The following FOXN3 variants were observed in gnomAD, a reference collection of about 807,000 sequenced individuals.
The protein encoded by FOXN3 is forkhead box protein N3.
Under a neutral mutation model 38.4 loss-of-function variants are expected in FOXN3, and 7 were observed. The observed-to-expected ratio is 0.18, with a 90% CI of 0.10 to 0.34. FOXN3 has a LOEUF of 0.34. Ranked by LOEUF, FOXN3 falls within the 10% of genes least tolerant of loss-of-function variation. The pLI, the probability that FOXN3 is intolerant of heterozygous loss-of-function variation, is 1.00. For missense variants in FOXN3, 456 were observed against 613.4 expected (o/e 0.74, Z 2.71); for synonymous variants, 230 against 242.2 (o/e 0.95, Z 0.47).
chr14:89,526,176 G>A (rs1331057108), intron 1 of FOXN3, among the ~76,000 whole-genome samples: 1 of 152,124 alleles, frequency 6.6e-6, no homozygotes, highest in Non-Finnish European at 1.5e-5. Flanking sequence ...ATTATATCAG[G>A]ACTGAATGCT....
intron 1 of FOXN3, among the ~76,000 whole-genome samples, chr14:89,594,597 G>T (rs1273085891): frequency 6.6e-6 from 1 of 152,146 alleles, no homozygotes; most frequent in Non-Finnish European, 1.5e-5. Flanking sequence ...GGAATTCTTT[G>T]CATATCCTTC....
chr14:89,170,531 C>T (rs983328820), intron 5 of FOXN3, among the ~76,000 whole-genome samples: 6 of 152,202 alleles, frequency 3.9e-5, no homozygotes, highest in Non-Finnish European at 5.9e-5. Flanking sequence ...CCACCTCAGC[C>T]TCCCAAAGTG....
chr14:89,223,178 T>G (rs952751220), intron 4 of FOXN3: 2 of 152,160 alleles, frequency 1.3e-5, no homozygotes, highest in Non-Finnish European at 2.9e-5. Context: ...ACAAGTTGAG[T>G]TGAGCCACTG....
chr14:89,199,900 T>A (rs560214589), intron 4 of FOXN3, among the ~76,000 whole-genome samples: 105 of 151,880 alleles, frequency 6.9e-4, no homozygotes, highest in Middle Eastern at 3.4e-3. Context: ...CGAGACTCCA[T>A]CTCAGACAAC....
chr14:89,166,413 T>G (rs550105327), intron 5 of FOXN3, among the ~76,000 whole-genome samples: 14 of 152,104 alleles, frequency 9.2e-5, no homozygotes, highest in African/African-American at 3.1e-4. Context: ...AGAATCAGAC[T>G]GCATGCCAAC....
At chr14:89,473,841 A>G (rs1893157522) in intron 1 of FOXN3, among the ~76,000 whole-genome samples, 1 of 152,072 alleles carries the variant, frequency 6.6e-6, no homozygotes. Flanking sequence ...TCATTATCTC[A>G]TTTCTCCAAA....
Position 89,162,492 on chromosome 14 carries a change from C to G in FOXN3, c.1329G>C (p.Gly443=). The G allele has an allele frequency of 6.2e-7, 1 of 1,613,202 alleles. No homozygotes were observed. Among genetic ancestry groups the G allele is most frequent in the Non-Finnish European group, 8.5e-7 (1 of 1,179,812 alleles). The change falls in exon 6 of 6, where the codon GGG becomes GGC. Residue 443 remains glycine, a synonymous_variant. Coordinates refer to ENST00000557258, the MANE Select transcript of FOXN3 (RefSeq NM_005197.4). This position sits in a 1 kb window ranked among gnomAD's most constrained non-coding sequence, Gnocchi z 7.2. The stretch of plus-strand genomic sequence containing the variant: ...TGATGTTATTCAAACAGGACCGGAT[C>G]CCTGCTAAGTGCAGGAGGGACCCTG... ...EAAGSLLHLA[G]IRSCLNNITN...
chr14:89,430,731 A>G (rs368582670), intron 1 of FOXN3, among the ~76,000 whole-genome samples: 109 of 152,332 alleles, frequency 7.2e-4, no homozygotes, highest in African/African-American at 2.6e-3. Flanking sequence ...ATCTCTGAAC[A>G]TTATGTATTT....
chr14:89,475,790 C>T (rs1173426157), intron 1 of FOXN3, among the ~76,000 whole-genome samples: 3 of 152,178 alleles, frequency 2.0e-5, no homozygotes, highest in Non-Finnish European at 2.9e-5. Flanking sequence ...TATAGGGCCC[C>T]AGTGGGATAA....
At chr14:89,481,189 C>T (rs1427192554) in intron 1 of FOXN3, among the ~76,000 whole-genome samples, 1 of 151,758 alleles carries the variant, frequency 6.6e-6, no homozygotes, top group Non-Finnish European at 1.5e-5. Context: ...ATTCTCTGCA[C>T]AGCACATGGC....
intron 3 of FOXN3, among the ~76,000 whole-genome samples, chr14:89,339,880 G>A (rs1228712322): frequency 6.6e-6 from 1 of 152,192 alleles, no homozygotes; most frequent in African/African-American, 2.4e-5. Context: ...CACCTCCCAC[G>A]CGGGACTCTG....
chr14:89,273,260 C>T (rs988209887), intron 4 of FOXN3, among the ~76,000 whole-genome samples: 4 of 152,184 alleles, frequency 2.6e-5, no homozygotes, highest in African/African-American at 9.7e-5. Flanking sequence ...TTTCCACCTC[C>T]TACTGAACAG....
chr14:89,294,603 G>A (rs533794293), intron 3 of FOXN3, among the ~76,000 whole-genome samples: 75 of 152,198 alleles, frequency 4.9e-4, no homozygotes, highest in South Asian at 2.3e-3. Context: ...AAGACCTTGC[G>A]GATAAAACAG....
chr14:89,448,850 G>A (rs1892561511), intron 1 of FOXN3, among the ~76,000 whole-genome samples: 1 of 151,920 alleles, frequency 6.6e-6, no homozygotes, highest in African/African-American at 2.4e-5. Context: ...ACTGAGGTGG[G>A]AGGACCAATT....
intron 1 of FOXN3, among the ~76,000 whole-genome samples, chr14:89,612,886 G>A (rs11159914): frequency 0.31 from 46,223 of 151,210 alleles, 8,314 homozygotes; most frequent in Admixed American, 0.47. Flanking sequence ...TTGGGAGGCC[G>A]AGGTGGGCAG....
intron 4 of FOXN3, among the ~76,000 whole-genome samples, chr14:89,234,654 C>T (rs1289733706): frequency 6.6e-6 from 1 of 151,302 alleles, no homozygotes; most frequent in African/African-American, 2.4e-5. Flanking sequence ...CCCCTCCCTC[C>T]CCCACTCCCC....
chr14:89,609,496 G>C (rs1045198245), intron 1 of FOXN3, among the ~76,000 whole-genome samples: 1 of 152,124 alleles, frequency 6.6e-6, no homozygotes, highest in African/African-American at 2.4e-5. Flanking sequence ...AATTTGAGTT[G>C]CAACCACGTG....
intron 3 of FOXN3, among the ~76,000 whole-genome samples, chr14:89,347,914 G>A (rs554486452): frequency 2.0e-5 from 3 of 151,894 alleles, no homozygotes; most frequent in South Asian, 4.2e-4. Flanking sequence ...AGATTGCACC[G>A]CTGCACTCCA....
intron 4 of FOXN3, among the ~76,000 whole-genome samples, chr14:89,258,893 C>CT (rs1205100889): frequency 1.3e-5 from 2 of 152,228 alleles, no homozygotes; most frequent in Non-Finnish European, 2.9e-5. Flanking sequence ...CTCACTTCCT[C>CT]TGAGCTTCAC....
Sources: gnomAD v4.1 joint callset for allele counts (sites outside exome capture counted in the v4.1 genomes callset) on GRCh38, gnomAD v4.1.1 for gene constraint, Gnocchi (gnomAD v3.1) non-coding constraint, MANE v1.5 for transcripts, NCBI Gene and HGNC (gene_info 2026-07-23, HGNC 2026-07-21) for gene names.